The following SLC35F4 variants were observed in gnomAD, a reference collection of about 807,000 sequenced individuals.
SLC35F4 encodes the protein solute carrier family 35 member F4.
A neutral mutation model predicts 44.2 loss-of-function variants in SLC35F4; 24 were observed. The observed-to-expected ratio is 0.54, with a 90% CI of 0.39 to 0.76. The LOEUF (loss-of-function observed/expected upper bound fraction) is 0.76, where lower values mean the gene tolerates loss of function less well. Among genes scored for constraint, SLC35F4 ranks in the 30% least tolerant of loss-of-function variants. SLC35F4 has a pLI of 0.00. For missense variants in SLC35F4, 562 were observed against 586.1 expected, an observed-to-expected ratio of 0.96 and a Z score of 0.42; for synonymous variants, 238 against 223.6, an observed-to-expected ratio of 1.06 and a Z score of -0.57.
In SLC35F4 at chr14:57,950,675, C is replaced by CTTTTTTTTTTTT. The variant is rs59027196; in HGVS notation, n.282+31226_282+31237dup. 9.5e-4 allele frequency among the ~76,000 whole-genome samples: 121 copies of CTTTTTTTTTTTT among 127,134 alleles called. 3 individuals carry two copies. The highest frequency in any genetic ancestry group is 5.4e-3 in the East Asian group (20 of 3,674). The allele number at this position is 127,134 out of a possible 152,430, so 83.4% of individuals were successfully genotyped here. ...GACTCTTTGTTTCTTTTCTTTCTTT[C>CTTTTTTTTTTTT]TTTTTTTTTTTTGAGACAGAGTCTT... is the stretch of plus-strand genomic sequence containing the variant. On this transcript the variant is annotated intron_variant and non_coding_transcript_variant, in intron 1 of 1. Coordinates refer to the SLC35F4 transcript ENST00000556568.
chr14:57,858,333 T>C (rs1887328921), intron 1 of SLC35F4, among the ~76,000 whole-genome samples: 1 of 152,024 alleles, frequency 6.6e-6, no homozygotes, highest in African/African-American at 2.4e-5. Flanking sequence ...ATATACACCA[T>C]GGAATACTAT....
intron 1 of SLC35F4, among the ~76,000 whole-genome samples, chr14:57,894,877 C>T (rs1411092805): frequency 6.6e-6 from 1 of 152,118 alleles, no homozygotes; most frequent in Non-Finnish European, 1.5e-5. Flanking sequence ...CAAACTTACA[C>T]AGCATCATCA....
chr14:57,928,722 A>C (rs1181252652), intron 1 of SLC35F4, among the ~76,000 whole-genome samples: 1 of 152,222 alleles, frequency 6.6e-6, no homozygotes, highest in Non-Finnish European at 1.5e-5. Flanking sequence ...AAGCAATCAA[A>C]ATGTGCCAAA....
chr14:57,882,014 G>C (rs8004840), intron 1 of SLC35F4, among the ~76,000 whole-genome samples: 9,320 of 152,090 alleles, frequency 0.061, 851 homozygotes, highest in African/African-American at 0.19. Flanking sequence ...TGGGTCTCCA[G>C]GTGACCACGG....
At chr14:57,765,959 G>T (rs2077224981) in intron 1 of SLC35F4, among the ~76,000 whole-genome samples, 1 of 152,198 alleles carries the variant, frequency 6.6e-6, no homozygotes, top group East Asian at 1.9e-4. Flanking sequence ...CGTATTAAGT[G>T]AGGAGAGGTA....
Position 57,792,008 on chromosome 14 carries a change from A to C in SLC35F4, c.103+73715T>G, listed in dbSNP as rs372972806. Among the ~76,000 whole-genome samples the C allele has an allele frequency of 3.0e-3, 450 of 152,160 alleles. 1 individual carries two copies. The highest frequency in any genetic ancestry group is 0.01 in the African/African-American group (425 of 41,488). Reference sequence around the variant, plus strand: ...AGGGATAGCATTAGAGAAATACCTAATGTAAATGACGGGTTGATGGGGGCA... The same window carrying C: ...AGGGATAGCATTAGAGAAATACCTACTGTAAATGACGGGTTGATGGGGGCA... On this transcript the variant is annotated intron_variant, in intron 1 of 7. Transcript: ENST00000556826.
At chr14:57,792,451 C>T (rs1412658026) in intron 1 of SLC35F4, among the ~76,000 whole-genome samples, 2 of 152,154 alleles carry the variant, frequency 1.3e-5, no homozygotes, top group East Asian at 3.9e-4. Flanking sequence ...GAAAAAGACA[C>T]TTGCACATAC....
chr14:57,878,952 C>T (rs1406382898), intron 1 of SLC35F4, among the ~76,000 whole-genome samples: 1 of 152,084 alleles, frequency 6.6e-6, no homozygotes, highest in Non-Finnish European at 1.5e-5. Flanking sequence ...TTGATGTTGT[C>T]TTATGAACAT....
At chr14:57,758,862 T>C (rs2077057063) in intron 1 of SLC35F4, among the ~76,000 whole-genome samples, 1 of 152,140 alleles carries the variant, frequency 6.6e-6, no homozygotes. Context: ...TAACTGACAG[T>C]TTATAATCAT....
intron 1 of SLC35F4, among the ~76,000 whole-genome samples, chr14:57,933,166 C>T (rs770545060): frequency 2.6e-5 from 4 of 151,576 alleles, no homozygotes; most frequent in African/African-American, 4.9e-5. Flanking sequence ...GAATTATAGG[C>T]GTGTGACACC....
intron 1 of SLC35F4, among the ~76,000 whole-genome samples, chr14:57,965,217 A>G (rs1890416502): frequency 6.6e-6 from 1 of 152,112 alleles, no homozygotes; most frequent in Admixed American, 6.5e-5. Flanking sequence ...AAGCAAGAAT[A>G]TATTTCCTTG....
At chr14:57,813,482 C>T (rs913254300) in intron 1 of SLC35F4, among the ~76,000 whole-genome samples, 13 of 151,956 alleles carry the variant, frequency 8.6e-5, no homozygotes, top group African/African-American at 2.7e-4. Context: ...CCCAGCTACA[C>T]GGGAGGCTGA....
At chr14:57,676,393 A>T (rs1319939355) in intron 1 of SLC35F4, among the ~76,000 whole-genome samples, 1 of 152,056 alleles carries the variant, frequency 6.6e-6, no homozygotes, top group Non-Finnish European at 1.5e-5. Flanking sequence ...GAACACATGG[A>T]CGCAGGGGCA....
At chr14:57,568,858 G>C (rs377665500) in intron 6 of SLC35F4, among the ~76,000 whole-genome samples, 1 of 152,168 alleles carries the variant, frequency 6.6e-6, no homozygotes, top group South Asian at 2.1e-4. Context: ...AAATAGAAGC[G>C]GCATGAAAAG....
intron 1 of SLC35F4, among the ~76,000 whole-genome samples, chr14:57,690,605 C>T (rs765936135): frequency 5.3e-5 from 8 of 151,894 alleles, no homozygotes; most frequent in Non-Finnish European, 1.0e-4. Context: ...TACTTTATTT[C>T]GCTTATTACA....
intron 1 of SLC35F4, among the ~76,000 whole-genome samples, chr14:57,855,888 A>AGGT (rs1441463622): frequency 4.6e-5 from 7 of 152,168 alleles, no homozygotes; most frequent in African/African-American, 1.4e-4. Flanking sequence ...TGTCCTTTTC[A>AGGT]GGGACATGGA....
rs149795283 is a variant in SLC35F4, at chr14:57,700,159, T to C, written c.104-106035A>G. ...GTGTACTTATACAAATCCAGATGTATAGCCTACTACATACCTAGGCTATAT... is the reference window on the plus strand; with the variant it reads ...GTGTACTTATACAAATCCAGATGTACAGCCTACTACATACCTAGGCTATAT... On this transcript the variant is annotated intron_variant, in intron 1 of 7. Coordinates refer to ENST00000556826, the MANE Select transcript of SLC35F4 (RefSeq NM_001306087.2). Among the ~76,000 whole-genome samples the C allele has an allele frequency of 2.5e-3, 375 of 152,336 alleles. 3 individuals are homozygous for C. Among genetic ancestry groups the C allele is most frequent in the African/African-American group, 8.3e-3 (346 of 41,582 alleles).
intron 1 of SLC35F4, among the ~76,000 whole-genome samples, chr14:57,914,581 A>AC (rs1889281083): frequency 6.6e-6 from 1 of 151,866 alleles, no homozygotes; most frequent in Non-Finnish European, 1.5e-5. Context: ...AAAAAAAAAA[A>AC]CCACAGTCTC....
At chr14:57,654,011 A>G (rs2073876259) in intron 1 of SLC35F4, among the ~76,000 whole-genome samples, 1 of 152,086 alleles carries the variant, frequency 6.6e-6, no homozygotes, top group African/African-American at 2.4e-5. Context: ...CCCTGCCTTC[A>G]TCTTCACATG....
Sources: allele counts gnomAD v4.1 joint callset (sites outside exome capture counted in the v4.1 genomes callset), GRCh38; gene constraint gnomAD v4.1.1; transcripts MANE v1.5; gene names NCBI Gene and HGNC (gene_info 2026-07-23, HGNC 2026-07-21).